Variants in MRTFB observed in about 807,000 individuals in gnomAD.
MRTFB encodes the protein myocardin-related transcription factor B.
MRTFB carries 29 observed loss-of-function variants against 104.2 expected under a neutral mutation model. The ratio of observed to expected loss-of-function variants is 0.28; its 90% CI spans 0.21 to 0.38. The LOEUF (loss-of-function observed/expected upper bound fraction) is 0.38. MRTFB is among the 10% of genes least tolerant of loss of function. MRTFB has a pLI of 1.00. For synonymous variants in MRTFB, 535 were observed against 519.5 expected (o/e 1.03, Z -0.41); for missense variants, 1,270 against 1,341.6 (o/e 0.95, Z 0.83).
At chr16:14,009,401 A>C in the MRTFB span, 1 of 152,148 alleles carries the variant, frequency 6.6e-6, no homozygotes, top group African/African-American at 2.4e-5. Context: ...AGTCATTCAA[A>C]TAGTTTTTGG....
intron 2 of MRTFB, among the ~76,000 whole-genome samples, chr16:14,140,262 A>T (rs2037924523): frequency 1.3e-5 from 2 of 152,186 alleles, no homozygotes; most frequent in African/African-American, 4.8e-5. Flanking sequence ...GCATGCATTA[A>T]ATCTTTAGTG....
At chr16:14,196,685 C>G (rs1208703290) in intron 3 of MRTFB, among the ~76,000 whole-genome samples, 1 of 152,118 alleles carries the variant, frequency 6.6e-6, no homozygotes, top group East Asian at 1.9e-4. Context: ...TTTGTAGTGT[C>G]TGGGGTTGAT....
At chr16:14,122,261 G>A (rs557897019) in intron 2 of MRTFB, among the ~76,000 whole-genome samples, 46 of 149,114 alleles carry the variant, frequency 3.1e-4, no homozygotes, top group African/African-American at 1.0e-3. Flanking sequence ...CAATAATAGC[G>A]TAATTTCAGT....
In MRTFB at chr16:14,247,989, G is replaced by C. The variant is rs1439114891; in HGVS notation, c.2247+482G>C. ...GCTGGCATTTAAACCCAGGTGTTCT[G>C]CCCGCAGAGCCTTTATTCTTATGCC... is the stretch of plus-strand genomic sequence containing the variant. On this transcript the variant is annotated intron_variant, in intron 12 of 16. Transcript: ENST00000571589. The C allele has an allele frequency of 1.9e-5, 3 of 155,984 alleles. No homozygotes were observed. The East Asian group carries it at 5.7e-4, about 30-fold the overall frequency. The allele number at this position is 155,984 out of a possible 1,614,324, so 9.7% of individuals were successfully genotyped here.
At chr16:14,000,075 C>A in the MRTFB span, among the ~76,000 whole-genome samples, 2 of 152,098 alleles carry the variant, frequency 1.3e-5, no homozygotes, top group African/African-American at 4.8e-5. Flanking sequence ...TTCCAGGCTG[C>A]GTTGCCACAT....
intron 3 of MRTFB, among the ~76,000 whole-genome samples, chr16:14,180,048 A>T (rs992759167): frequency 1.3e-5 from 2 of 152,244 alleles, no homozygotes; most frequent in African/African-American, 4.8e-5. Flanking sequence ...TGGAAGTTTT[A>T]AAATATTTCT....
chr16:14,230,238 TA>T (rs929655295), intron 8 of MRTFB, among the ~76,000 whole-genome samples: 1 of 152,124 alleles, frequency 6.6e-6, no homozygotes, highest in Non-Finnish European at 1.5e-5. Context: ...ACTTCATGTC[TA>T]AAACACCAAA....
intron 5 of MRTFB, 62 bp from the exon 6 acceptor site, chr16:14,213,483 G>T: frequency 8.4e-7 from 1 of 1,186,172 alleles, no homozygotes; most frequent in South Asian, 1.4e-5. Flanking sequence ...ATACCTTAAA[G>T]AACATTTAAA....
upstream of MRTFB, among the ~76,000 whole-genome samples, chr16:14,066,460 G>T (rs2033529317): frequency 6.6e-6 from 1 of 151,984 alleles, no homozygotes; most frequent in South Asian, 2.1e-4. Context: ...TTTTAGTAGA[G>T]ATGGGGGTTT....
chr16:14,180,937 C>A (rs889230844), intron 3 of MRTFB, among the ~76,000 whole-genome samples: 4 of 152,182 alleles, frequency 2.6e-5, no homozygotes, highest in African/African-American at 9.7e-5. Flanking sequence ...AACTGTGAAA[C>A]ATGGATGATT....
the MRTFB span, among the ~76,000 whole-genome samples, chr16:14,037,271 C>A: frequency 1.3e-5 from 2 of 152,150 alleles, no homozygotes; most frequent in Non-Finnish European, 2.9e-5. Context: ...TGTGAAGGAC[C>A]TGGCATATTG....
the MRTFB span, among the ~76,000 whole-genome samples, chr16:14,059,534 T>A: frequency 2.0e-5 from 3 of 152,136 alleles, no homozygotes; most frequent in African/African-American, 7.2e-5. Context: ...TCCACACAGA[T>A]GCAATCTAAT....
intron 3 of MRTFB, among the ~76,000 whole-genome samples, chr16:14,185,477 C>T (rs549638740): frequency 4.5e-4 from 68 of 152,216 alleles, no homozygotes; most frequent in African/African-American, 1.5e-3. Context: ...AAATGTGCTT[C>T]CTTTAGAGAA....
chr16:14,205,332 T>C (rs552371225), intron 3 of MRTFB, among the ~76,000 whole-genome samples: 106 of 152,310 alleles, frequency 7.0e-4, no homozygotes, highest in South Asian at 5.2e-3. Context: ...AGTAAGTAAA[T>C]GGATTTATAA....
intron 3 of MRTFB, among the ~76,000 whole-genome samples, chr16:14,196,084 A>G (rs939778534): frequency 1.3e-5 from 2 of 152,234 alleles, no homozygotes; most frequent in African/African-American, 4.8e-5. Context: ...CAAGAAGCAT[A>G]CTTTAAATTC....
chr16:14,085,590 A>G (rs1469699313), intron 2 of MRTFB, among the ~76,000 whole-genome samples: 1 of 151,750 alleles, frequency 6.6e-6, no homozygotes, highest in Non-Finnish European at 1.5e-5. Context: ...AAGACCAGGG[A>G]CCAAGTAGTA....
chr16:14,161,131 A>G (rs757407321), intron 3 of MRTFB, among the ~76,000 whole-genome samples: 11 of 118,312 alleles, frequency 9.3e-5, no homozygotes, highest in Non-Finnish European at 1.8e-4. Context: ...AGTTCAGGCC[A>G]TGATTTAGTA....
Position 14,251,846 on chromosome 16 carries a change from C to T in MRTFB, c.2404-16C>T. ...GCCAAAGAACAAATTAATGGAGAAA[C>T]ATTTATTCATTACAGGTTTTCACAA... On this transcript the variant is annotated splice_polypyrimidine_tract_variant and intron_variant, in intron 13 of 16. Transcript: ENST00000571589. The T allele has an allele frequency of 1.2e-6, 2 of 1,611,654 alleles. No individual in the cohort carries two copies. Among genetic ancestry groups the T allele is most frequent in the Non-Finnish European group, 1.7e-6 (2 of 1,178,780 alleles).
rs1367756344 is a variant in MRTFB, at chr16:14,247,382, C to T, written c.2122C>T (p.Pro708Ser). 2 of 1,613,890 alleles carry T rather than the reference C, an allele frequency of 1.2e-6. No homozygotes were observed. The highest frequency in any genetic ancestry group is 3.3e-5 in the Admixed American group (2 of 60,014). The change falls in exon 12 of 17, where the codon CCT becomes TCT. Residue 708 changes from proline to serine, a missense_variant. Pro to Ser is a moderately conservative substitution (Grantham distance 74). Coordinates refer to ENST00000571589, the MANE Select transcript of MRTFB (RefSeq NM_001308142.2). ...TGTGAGTTCCCAGGGACAGCCACCG[C>T]CTGCTGTTGTTGCTCAGCCCCAGGC... is the stretch of plus-strand genomic sequence containing the variant. The part of the protein sequence containing the change: ...FYVSSQGQPP[P>S]AVVAQPQALL...
Sources: gnomAD v4.1 joint callset for allele counts (sites outside exome capture counted in the v4.1 genomes callset) on GRCh38, gnomAD v4.1.1 for gene constraint, MANE v1.5 for transcripts, NCBI Gene and HGNC (gene_info 2026-07-23, HGNC 2026-07-21) for gene names.